Variants in GIN1 observed in about 807,000 individuals in gnomAD.
The protein encoded by GIN1 is gypsy retrotransposon integrase 1.
In GIN1, 41 loss-of-function variants were observed where a neutral mutation model predicts 51.4. The observed-to-expected ratio is 0.80, with a 90% CI of 0.62 to 1.04. The LOEUF (loss-of-function observed/expected upper bound fraction) is 1.04, where lower values mean the gene tolerates loss of function less well. GIN1 is among the 50% of genes least tolerant of loss of function. The probability of loss-of-function intolerance (pLI) is 0.00; values close to 1 mark genes in which losing one functional copy is unlikely to be tolerated. For synonymous variants in GIN1, 222 were observed against 206.5 expected (o/e 1.07, Z -0.64); for missense variants, 610 against 612.4 (o/e 1.00, Z 0.04).
intron 4 of GIN1, among the ~76,000 whole-genome samples, chr5:103,099,033 C>G (rs1175988425): frequency 6.6e-6 from 1 of 151,406 alleles, no homozygotes. Context: ...TTGAGTAAAC[C>G]TTTGGCTCAT....
At position 103,106,769 on chromosome 5, in the gene GIN1, G is replaced by C. The variant is rs1222295840; in HGVS notation, c.280C>G (p.Leu94Val). ...GTCCAATAATAATTGGATTCTACCA[G>C]AGTGAGGGTCCTGGATATACCATGA... ...AHHGISRTLT[L>V]VESNYYWTSV... Residue 94 changes from leucine to valine, a missense_variant, in exon 3 of 8, where the codon CTG (leucine) becomes GTG (valine). Physicochemically the swap from Leu to Val is conservative, Grantham distance 32. Coordinates refer to ENST00000399004, the MANE Select transcript of GIN1 (RefSeq NM_017676.2). 2.5e-6 allele frequency: 4 copies of C among 1,603,878 alleles called. No homozygotes were observed. The highest frequency in any genetic ancestry group is 4.5e-5 in the East Asian group (2 of 44,458).
chr5:103,117,049 C>T (rs1554197437), intron 1 of GIN1, among the ~76,000 whole-genome samples: 1 of 152,014 alleles, frequency 6.6e-6, no homozygotes, highest in Admixed American at 6.6e-5. Flanking sequence ...ATCTTAGATA[C>T]TAACCCAAAA....
rs77951276 is a variant in GIN1 at position 103,113,748 on chromosome 5, C to T, written c.-7-5034G>A. Among the ~76,000 whole-genome samples, 230 of 152,180 alleles carry T rather than the reference C, an allele frequency of 1.5e-3. 2 individuals are homozygous for T. In the East Asian group the frequency reaches 0.04, roughly 27 times the overall value. On this transcript the variant is annotated intron_variant, in intron 1 of 7. Coordinates refer to ENST00000399004, the MANE Select transcript of GIN1 (RefSeq NM_017676.2). The stretch of plus-strand genomic sequence containing the variant: ...TGTTGGCCAGGCTGGTCTCGAACTC[C>T]TGACCTCAAGTGATCCACCCACCTT...
At chr5:103,119,450 T>A (rs782769177) in intron 1 of GIN1, among the ~76,000 whole-genome samples, 2 of 152,240 alleles carry the variant, frequency 1.3e-5, no homozygotes, top group Non-Finnish European at 2.9e-5. Context: ...CATCGCCATA[T>A]GCATTCACAT....
At chr5:103,110,593 A>C (rs1787853679) in intron 1 of GIN1, among the ~76,000 whole-genome samples, 1 of 152,134 alleles carries the variant, frequency 6.6e-6, no homozygotes, top group African/African-American at 2.4e-5. Flanking sequence ...GACAACACCA[A>C]GTGTTGGTGA....
rs916821033 is a variant in GIN1, at chr5:103,087,002, T to C, written c.*896A>G. ...TTTGTTGTTGTTGTTGAGACAGGTC[T>C]TGCCCTGTCGCCCAGGCTGGAGAGC... On this transcript the variant is annotated 3_prime_UTR_variant, in exon 8 of 8. Coordinates refer to ENST00000399004, the MANE Select transcript of GIN1 (RefSeq NM_017676.2). 1.2e-4 allele frequency: 19 copies of C among 152,264 alleles called. No individual in the cohort carries two copies. Among genetic ancestry groups the C allele is most frequent in the Admixed American group, 7.9e-4 (12 of 15,284 alleles). 9.4% of individuals were successfully genotyped at this position (152,264 alleles called of 1,614,324 possible).
chr5:103,117,940 A>G (rs1788089757), intron 1 of GIN1, among the ~76,000 whole-genome samples: 1 of 152,102 alleles, frequency 6.6e-6, no homozygotes, highest in Non-Finnish European at 1.5e-5. Flanking sequence ...TGTTATCCTT[A>G]GCTTTTATAA....
At chr5:103,116,724 T>G (rs752532916) in intron 1 of GIN1, among the ~76,000 whole-genome samples, 1 of 152,014 alleles carries the variant, frequency 6.6e-6, no homozygotes, top group African/African-American at 2.4e-5. Flanking sequence ...TATAAAGAAC[T>G]CTCGAAGCTT....
In GIN1 at chr5:103,108,715, C is replaced by T; in HGVS notation, c.-7-1G>A. ...TTTTCCACTACGGACCATTGTGAAC[C>T]TAGGTAAAAGGTATTTAAAAAGATA... On this transcript the variant is annotated splice_acceptor_variant, in intron 1 of 7. Transcript: ENST00000399004. LOFTEE classifies it low-confidence loss of function (5UTR_SPLICE). The T allele has an allele frequency of 6.3e-7, 1 of 1,581,294 alleles. No individual in the cohort carries two copies. Among genetic ancestry groups the T allele is most frequent in the South Asian group, 1.2e-5 (1 of 86,522 alleles).
At position 103,110,107 on chromosome 5, in the gene GIN1, AAATGTG is replaced by A. The variant is rs1291822673; in HGVS notation, c.-7-1399_-7-1394del. Among the ~76,000 whole-genome samples the A allele has an allele frequency of 2.6e-4, 39 of 152,164 alleles. 1 individual carries two copies. The highest frequency in any genetic ancestry group is 7.4e-5 in the Non-Finnish European group (5 of 68,002). ...TTAATTCCAGATAAATCATAAACTT[AAATGTG>A]AAAGATAAATAACAATGATTCTGGA... On this transcript the variant is annotated intron_variant, in intron 1 of 7. Coordinates refer to ENST00000399004, the MANE Select transcript of GIN1 (RefSeq NM_017676.2).
At chr5:103,114,636 A>G (rs1165024713) in intron 1 of GIN1, among the ~76,000 whole-genome samples, 1 of 152,252 alleles carries the variant, frequency 6.6e-6, no homozygotes, top group Non-Finnish European at 1.5e-5. Flanking sequence ...TCATTCATCC[A>G]TGAATCCTTT....
At position 103,087,827 on chromosome 5, in the gene GIN1, G is replaced by A. The variant is rs138925155; in HGVS notation, c.*71C>T. On this transcript the variant is annotated 3_prime_UTR_variant, in exon 8 of 8. Transcript: ENST00000399004. ...TGTCAAGATACTTCTTCTATACAAC[G>A]TTTTTAATGAATAAGATATCATTAA... 2.1e-3 allele frequency: 1,323 copies of A among 643,958 alleles called. 7 individuals carry two copies. Among genetic ancestry groups the A allele is most frequent in the Middle Eastern group, 3.9e-3 (9 of 2,316 alleles). 39.9% of individuals were successfully genotyped at this position (643,958 alleles called of 1,614,324 possible).
intron 6 of GIN1, 140 bp from the exon 7 acceptor site, chr5:103,096,966 A>C: frequency 1.6e-6 from 1 of 628,238 alleles, no homozygotes; most frequent in East Asian, 2.7e-5. Flanking sequence ...TTTAATTCTT[A>C]AAACATTTCA....
chr5:103,116,851 A>T (rs543523111), intron 1 of GIN1, among the ~76,000 whole-genome samples: 1 of 152,196 alleles, frequency 6.6e-6, no homozygotes, highest in East Asian at 1.9e-4. Flanking sequence ...AAAAATGTAA[A>T]CTAAAACTAC....
At chr5:103,111,361 C>T (rs1336383828) in intron 1 of GIN1, among the ~76,000 whole-genome samples, 4 of 152,088 alleles carry the variant, frequency 2.6e-5, no homozygotes, top group African/African-American at 9.7e-5. Flanking sequence ...ATATAACCTC[C>T]TGTTATAGTT....
intron 1 of GIN1, among the ~76,000 whole-genome samples, chr5:103,117,709 T>G (rs1447841846): frequency 6.6e-6 from 1 of 152,110 alleles, no homozygotes; most frequent in Admixed American, 6.6e-5. Context: ...CGACTACAGC[T>G]GCAAATAGTT....
chr5:103,096,826 T>C lies in GIN1; in HGVS notation c.1009A>G (p.Met337Val), dbSNP rs1554195143. 1 of 1,566,148 alleles carries C rather than the reference T, an allele frequency of 6.4e-7. No individual in the cohort carries two copies. Among genetic ancestry groups the C allele is most frequent in the South Asian group, 1.1e-5 (1 of 89,430 alleles). ...MENKTTSLGQMENNNLDELNK... is the reference protein window; with the variant it reads ...MENKTTSLGQVENNNLDELNK... ...AGTTCATCCAAATTGTTGTTCTCCA[T>C]CTACAAGTGTAAAAAGAAAAAGAAC... is the stretch of plus-strand genomic sequence containing the variant. The change falls in exon 7 of 8, where the codon ATG (methionine) becomes GTG (valine). Residue 337 changes from methionine (M) to valine (V), a missense_variant and splice_region_variant. Physicochemically the swap from Met to Val is conservative, Grantham distance 21. Coordinates refer to ENST00000399004, the MANE Select transcript of GIN1 (RefSeq NM_017676.2).
At chr5:103,094,568 C>A (rs1450828399) in intron 7 of GIN1, among the ~76,000 whole-genome samples, 1 of 152,080 alleles carries the variant, frequency 6.6e-6, no homozygotes, top group Non-Finnish European at 1.5e-5. Flanking sequence ...AGAAGAAGCA[C>A]AATATTTGAC....
chr5:103,091,670 T>C (rs1361183873), intron 7 of GIN1, among the ~76,000 whole-genome samples: 1 of 152,156 alleles, frequency 6.6e-6, no homozygotes, highest in Non-Finnish European at 1.5e-5. Flanking sequence ...CCATTTCTAA[T>C]GTAGGTTTTT....
Sources: allele counts gnomAD v4.1 joint callset (sites outside exome capture counted in the v4.1 genomes callset), GRCh38; gene constraint gnomAD v4.1.1; transcripts MANE v1.5; gene names NCBI Gene and HGNC (gene_info 2026-07-23, HGNC 2026-07-21).